The following ARID3A variants were observed in gnomAD, a reference collection of about 807,000 sequenced individuals.
ARID3A encodes the protein AT-rich interactive domain-containing protein 3A.
In ARID3A, 11 loss-of-function variants were observed where a neutral mutation model predicts 52.7. That is an observed-to-expected ratio of 0.21 (90% CI 0.13 to 0.35). The LOEUF (loss-of-function observed/expected upper bound fraction) is 0.35, where lower values mean the gene tolerates loss of function less well. ARID3A is among the 10% of genes least tolerant of loss of function. ARID3A has a pLI of 1.00. For synonymous variants in ARID3A, 404 were observed against 359.4 expected, an observed-to-expected ratio of 1.12 and a Z score of -1.40; for missense variants, 721 against 838.5, an observed-to-expected ratio of 0.86 and a Z score of 1.73.
chr19:972,986 G>A lies in ARID3A; in HGVS notation c.*921G>A, dbSNP rs952097745. On this transcript the variant is annotated 3_prime_UTR_variant, in exon 9 of 9. Transcript: ENST00000263620. Reference sequence around the variant, plus strand: ...TATGGGCCGGGCTGGGGCAGAGGGTGCATGCTGGGGTCCCACCGGCCAGGG... The same window carrying A: ...TATGGGCCGGGCTGGGGCAGAGGGTACATGCTGGGGTCCCACCGGCCAGGG... The A allele has an allele frequency of 9.6e-6, 2 of 208,072 alleles. No homozygotes were observed. The highest frequency in any genetic ancestry group is 2.0e-5 in the Non-Finnish European group (2 of 102,142). The allele number at this position is 208,072 out of a possible 1,614,324, so 12.9% of individuals were successfully genotyped here.
intron 3 of ARID3A, among the ~76,000 whole-genome samples, chr19:949,406 G>T (rs1303538908): frequency 6.6e-6 from 1 of 152,174 alleles, no homozygotes; most frequent in Non-Finnish European, 1.5e-5. Context: ...GGGGGTGGGG[G>T]GCTGGGGGTG....
chr19:966,859 A>G lies in ARID3A; in HGVS notation c.1486A>G (p.Asn496Asp). The G allele has an allele frequency of 1.9e-6, 3 of 1,609,372 alleles. No individual in the cohort carries two copies. Among genetic ancestry groups the G allele is most frequent in the Admixed American group, 1.7e-5 (1 of 59,878 alleles). Reference protein sequence around the residue: ...AAQLPMSIRINSQASESRQDS... With the variant: ...AAQLPMSIRIDSQASESRQDS... ...CCAGCTGCCCATGAGCATTCGGATC[A>G]ACAGCCAAGGTACTGCCCTCGTGCC... is the stretch of plus-strand genomic sequence containing the variant. The change falls in exon 7 of 9, where the codon AAC becomes GAC. Residue 496 changes from asparagine (N) to aspartate (D), a missense_variant. By Grantham distance (23) the Asn-to-Asp change is conservative (BLOSUM62 1). Coordinates refer to ENST00000263620, the MANE Select transcript of ARID3A (RefSeq NM_005224.3).
rs76556317 is a variant in ARID3A, at chr19:957,047, G to C, written c.694-3045G>C. Among the ~76,000 whole-genome samples, 241 of 152,302 alleles carry C rather than the reference G, an allele frequency of 1.6e-3. 8 individuals are homozygous for C. The East Asian group carries it at 0.03, about 19-fold the overall frequency. ...GCTCCTCCTCGGCAAATTGGCCCCCGCCTGAACTCCGCTTTCTAATTATCC... is the reference window on the plus strand; with the variant it reads ...GCTCCTCCTCGGCAAATTGGCCCCCCCCTGAACTCCGCTTTCTAATTATCC... On this transcript the variant is annotated intron_variant, in intron 3 of 8. Transcript: ENST00000263620.
At position 944,060 on chromosome 19, in the gene ARID3A, A is replaced by C. The variant is rs1309536136; in HGVS notation, c.693+11318A>C. ...ACCCTCTCATGGGCACTTACGGGGC[A>C]TCTGTATGCCAGCCCGACCCTCTCA... On this transcript the variant is annotated intron_variant, in intron 3 of 8. Coordinates refer to ENST00000263620, the MANE Select transcript of ARID3A (RefSeq NM_005224.3). The surrounding 1 kb of genome is among the most constrained non-coding windows in gnomAD (Gnocchi z 5.9). Among the ~76,000 whole-genome samples, 1 of 5,896 alleles carries C rather than the reference A, an allele frequency of 1.7e-4. No individual in the cohort carries two copies. The highest frequency in any genetic ancestry group is 2.9e-4 in the Non-Finnish European group (1 of 3,456). 3.9% of individuals were successfully genotyped at this position (5,896 alleles called of 152,430 possible).
At chr19:943,360 G>A (rs2037598150) in intron 3 of ARID3A, among the ~76,000 whole-genome samples, 2 of 151,836 alleles carry the variant, frequency 1.3e-5, no homozygotes, top group South Asian at 4.2e-4. Flanking sequence ...CCTGTGGTCA[G>A]AAGTTTGAGA....
rs531099624 is a variant in ARID3A, at chr19:974,444, C to T, written c.*2379C>T. ...CTGGACTCTGTCCGTGTCTGTCCCC[C>T]GGCCTCCAGGGCTCCTCTCCCGGGA... is the stretch of plus-strand genomic sequence containing the variant. On this transcript the variant is annotated 3_prime_UTR_variant, in exon 9 of 9. Transcript: ENST00000263620. 9.5e-5 allele frequency: 22 copies of T among 231,036 alleles called. No individual in the cohort carries two copies. The highest frequency in any genetic ancestry group is 7.2e-4 in the South Asian group (4 of 5,522). 14.3% of individuals were successfully genotyped at this position (231,036 alleles called of 1,614,324 possible). A position where few individuals can be genotyped will look rare whatever the true frequency, so the allele number is the denominator to read the frequency against.
At chr19:953,478 C>G (rs528581173) in intron 3 of ARID3A, among the ~76,000 whole-genome samples, 3 of 149,986 alleles carry the variant, frequency 2.0e-5, no homozygotes, top group South Asian at 2.1e-4. Flanking sequence ...CTCCCACACC[C>G]CCCCCCGTGC....
intron 3 of ARID3A, among the ~76,000 whole-genome samples, chr19:939,484 C>T (rs76682725): frequency 3.9e-5 from 6 of 152,240 alleles, no homozygotes; most frequent in African/African-American, 9.6e-5. Flanking sequence ...GAAAATGGAA[C>T]GTTTACAGGG....
At chr19:928,151 G>GGA (rs2037239484) in intron 1 of ARID3A, 2 of 152,374 alleles carry the variant, frequency 1.3e-5, no homozygotes, top group Admixed American at 6.5e-5. Context: ...GCCAGGGTAA[G>GGA]GGTTGGGGGT....
At chr19:932,977 TG>T (rs2037365086) in intron 3 of ARID3A, among the ~76,000 whole-genome samples, 1 of 151,956 alleles carries the variant, frequency 6.6e-6, no homozygotes, top group Non-Finnish European at 1.5e-5. Flanking sequence ...AGGAGAAACC[TG>T]GGGGGCTCCA....
chr19:970,401 C>G (rs964416679), intron 8 of ARID3A, among the ~76,000 whole-genome samples: 4 of 151,780 alleles, frequency 2.6e-5, no homozygotes, highest in Non-Finnish European at 4.4e-5. Flanking sequence ...AATCCCAACA[C>G]TTTGGGAGGC....
chr19:973,393 C>T lies in ARID3A; in HGVS notation c.*1328C>T. 1 of 187,956 alleles carries T rather than the reference C, an allele frequency of 5.3e-6. No individual in the cohort carries two copies. Among genetic ancestry groups the T allele is most frequent in the Non-Finnish European group, 1.1e-5 (1 of 89,134 alleles). The allele number at this position is 187,956 out of a possible 1,614,324, so 11.6% of individuals were successfully genotyped here. A position where few individuals can be genotyped will look rare whatever the true frequency, so the allele number is the denominator to read the frequency against. On this transcript the variant is annotated 3_prime_UTR_variant, in exon 9 of 9. Coordinates refer to ENST00000263620, the MANE Select transcript of ARID3A (RefSeq NM_005224.3). ...CCTCCCAAAGTGCTGGGATTACAGGCATGAGCCGCCACGCTGGCCCGGTCT... is the reference window on the plus strand; with the variant it reads ...CCTCCCAAAGTGCTGGGATTACAGGTATGAGCCGCCACGCTGGCCCGGTCT...
At position 966,669 on chromosome 19, in the gene ARID3A, A is replaced by T; in HGVS notation, c.1296A>T (p.Ala432=). The T allele has an allele frequency of 6.2e-7, 1 of 1,610,206 alleles. No homozygotes were observed. The highest frequency in any genetic ancestry group is 1.7e-4 in the Middle Eastern group (1 of 6,050). ...CAGCCCAGGCAGCAGCTGTGCAAGC[A>T]GCAGCCGCCCAAGCAGCTGTGGCCG... ...VVAAQAAAVQ[A]AAAQAAVAAQ... is the part of the protein sequence containing the mutation. The change falls in exon 7 of 9, where the codon GCA becomes GCT. Residue 432 remains alanine (A), a synonymous_variant. Coordinates refer to ENST00000263620, the MANE Select transcript of ARID3A (RefSeq NM_005224.3).
In ARID3A at chr19:938,395, C is replaced by T. The variant is rs1458933850; in HGVS notation, c.693+5653C>T. Among the ~76,000 whole-genome samples, 1 of 152,204 alleles carries T rather than the reference C, an allele frequency of 6.6e-6. No individual in the cohort carries two copies. Among genetic ancestry groups the T allele is most frequent in the Non-Finnish European group, 1.5e-5 (1 of 68,038 alleles). On this transcript the variant is annotated intron_variant, in intron 3 of 8. Transcript: ENST00000263620. This position sits in a 1 kb window ranked among gnomAD's most constrained non-coding sequence, Gnocchi z 4.0. ...CAGATCCTCACTGGATCCCAAGGAG[C>T]TGCCGTTGAACCTGTTGTGCAGACG... is the stretch of plus-strand genomic sequence containing the variant.
At position 947,490 on chromosome 19, in the gene ARID3A, G is replaced by C; in HGVS notation, c.694-12602G>C. 6.6e-6 allele frequency among the ~76,000 whole-genome samples: 1 copy of C among 152,226 alleles called. No homozygotes were observed. The stretch of plus-strand genomic sequence containing the variant: ...TGAAACGGGCTGGCGGCCGGTCAGC[G>C]TCTCCTCCCTGAGCAAGGGACTCCC... On this transcript the variant is annotated intron_variant, in intron 3 of 8. Coordinates refer to ENST00000263620, the MANE Select transcript of ARID3A (RefSeq NM_005224.3). This position sits in a 1 kb window ranked among gnomAD's most constrained non-coding sequence, Gnocchi z 6.3.
chr19:933,847 G>C (rs111786255), intron 3 of ARID3A, among the ~76,000 whole-genome samples: 1 of 81,566 alleles, frequency 1.2e-5, no homozygotes, highest in South Asian at 4.7e-4. Flanking sequence ...GGGACTCGGT[G>C]GGGGGGGGGG....
chr19:962,578 G>C (rs1198066381), intron 4 of ARID3A, among the ~76,000 whole-genome samples: 1 of 150,838 alleles, frequency 6.6e-6, no homozygotes, highest in African/African-American at 2.4e-5. Flanking sequence ...GCAATGGCGG[G>C]GTCTCGGCTC....
At chr19:961,896 G>C (rs982317417) in intron 4 of ARID3A, 1 of 152,248 alleles carries the variant, frequency 6.6e-6, no homozygotes, top group Non-Finnish European at 1.5e-5. Context: ...TCTAGCCTGG[G>C]TGACAGAGGG....
intron 2 of ARID3A, among the ~76,000 whole-genome samples, chr19:930,535 G>A (rs2037299281): frequency 6.8e-6 from 1 of 146,926 alleles, no homozygotes; most frequent in African/African-American, 2.5e-5. Flanking sequence ...TTTAGACAGA[G>A]TCTTGCTCTT....
Sources: gnomAD v4.1 joint callset for allele counts (sites outside exome capture counted in the v4.1 genomes callset) on GRCh38, gnomAD v4.1.1 for gene constraint, Gnocchi (gnomAD v3.1) non-coding constraint, MANE v1.5 for transcripts, NCBI Gene and HGNC (gene_info 2026-07-23, HGNC 2026-07-21) for gene names.